JAK1: variants seen among roughly 807,000 people sequenced by gnomAD.
JAK1 encodes the protein tyrosine-protein kinase JAK1.
JAK1 carries 16 observed loss-of-function variants against 136.6 expected under a neutral mutation model. The ratio of observed to expected loss-of-function variants is 0.12; its 90% CI spans 0.08 to 0.18. JAK1 has a LOEUF of 0.18. JAK1 is among the 10% of genes least tolerant of loss of function. JAK1 has a pLI of 1.00. For synonymous variants in JAK1, 492 were observed against 519.5 expected (o/e 0.95, Z 0.72); for missense variants, 859 against 1,450.1 (o/e 0.59, Z 6.62).
chr1:64,926,373 C>G (rs1357399334), intron 1 of JAK1, among the ~76,000 whole-genome samples: 14 of 132,150 alleles, frequency 1.1e-4, no homozygotes, highest in Admixed American at 9.5e-4. Context: ...CCCCTCCCCC[C>G]ACCCCCAAGT....
chr1:65,024,660 CAAAAAAAAAA>C (rs11349903), intron 2 of JAK1, among the ~76,000 whole-genome samples: 2 of 69,866 alleles, frequency 2.9e-5, no homozygotes, highest in African/African-American at 4.8e-5. Context: ...TGGTCCAAAG[CAAAAAAAAAA>C]AAAAAAAAAA....
intron 20 of JAK1, among the ~76,000 whole-genome samples, chr1:64,838,959 C>T (rs938703788): frequency 6.6e-6 from 1 of 151,170 alleles, no homozygotes; most frequent in Non-Finnish European, 1.5e-5. Flanking sequence ...TCCTGGCTAA[C>T]ACGGTGAAAC....
chr1:64,870,132 C>T (rs1384479539), intron 5 of JAK1, among the ~76,000 whole-genome samples: 7 of 152,186 alleles, frequency 4.6e-5, no homozygotes, highest in East Asian at 1.9e-4. Context: ...AGAGTGAAAA[C>T]GATAATTCCA....
chr1:64,900,215 CA>C (rs1392154197), intron 1 of JAK1, among the ~76,000 whole-genome samples: 1 of 152,084 alleles, frequency 6.6e-6, no homozygotes, highest in Non-Finnish European at 1.5e-5. Flanking sequence ...TGTGACAAGG[CA>C]AAACATAATT....
At chr1:64,845,025 T>C (rs1655139944) in intron 15 of JAK1, 136 bp from the exon 16 acceptor site, 13 of 1,203,376 alleles carry the variant, frequency 1.1e-5, no homozygotes, top group Middle Eastern at 2.2e-4. Context: ...GCCAATCATC[T>C]GTGTGACTTA....
intron 2 of JAK1, among the ~76,000 whole-genome samples, chr1:65,016,381 G>A (rs1480744538): frequency 6.6e-6 from 1 of 152,130 alleles, no homozygotes; most frequent in Non-Finnish European, 1.5e-5. Flanking sequence ...TAGCACGTTG[G>A]GAGGCCTAGG....
chr1:64,845,763 G>C, intron 14 of JAK1, 123 bp from the exon 15 acceptor site: 1 of 1,168,148 alleles, frequency 8.6e-7, no homozygotes, highest in South Asian at 1.3e-5. Flanking sequence ...ATATCCTTGG[G>C]GGGTGCAATG....
chr1:64,945,110 C>T (rs1645960742), intron 1 of JAK1, among the ~76,000 whole-genome samples: 1 of 152,012 alleles, frequency 6.6e-6, no homozygotes, highest in Non-Finnish European at 1.5e-5. Flanking sequence ...TTGGAAAGCA[C>T]TCCAACAGTC....
chr1:65,066,905 G>C (rs1194694496), intron 1 of JAK1: 1 of 152,382 alleles, frequency 6.6e-6, no homozygotes, highest in Non-Finnish European at 1.5e-5. Context: ...AAAAGCGAGT[G>C]CGCAACATTT....
At chr1:65,019,952 G>C (rs7525064) in intron 2 of JAK1, among the ~76,000 whole-genome samples, 1 of 150,224 alleles carries the variant, frequency 6.7e-6, no homozygotes, top group Non-Finnish European at 1.5e-5. Flanking sequence ...AAGGCAGAGC[G>C]TGGTGGCTCA....
intron 2 of JAK1, among the ~76,000 whole-genome samples, chr1:65,022,538 G>A (rs1399851592): frequency 3.9e-5 from 6 of 152,272 alleles, no homozygotes; most frequent in Admixed American, 3.3e-4. Flanking sequence ...AGGCTGGGAG[G>A]TGGGGTGATG....
At chr1:64,983,420 T>C (rs1202338387) in intron 2 of JAK1, among the ~76,000 whole-genome samples, 1 of 152,150 alleles carries the variant, frequency 6.6e-6, no homozygotes, top group African/African-American at 2.4e-5. Flanking sequence ...AAAAATCTTC[T>C]CCCAGAGCTG....
intron 1 of JAK1, among the ~76,000 whole-genome samples, chr1:64,897,537 A>G (rs1489368632): frequency 0.014 from 2 of 138 alleles, 1 homozygote; most frequent in Non-Finnish European, 0.021. Flanking sequence ...AGGGAGGAGG[A>G]GGAGGAGGAG....
chr1:64,896,899 T>C (rs1645022258), intron 1 of JAK1, among the ~76,000 whole-genome samples: 1 of 152,232 alleles, frequency 6.6e-6, no homozygotes, highest in African/African-American at 2.4e-5. Context: ...CTTTGAATAA[T>C]TTTTAACTTT....
chr1:64,966,586 G>A (rs1005998308), upstream of JAK1: 1 of 60,414 alleles, frequency 1.7e-5, no homozygotes, highest in South Asian at 5.9e-4. Context: ...CCCCGCGGCC[G>A]GCCCCACCCC....
chr1:64,835,586 T>G, intron 23 of JAK1, 80 bp from the exon 24 acceptor site: 7 of 824,546 alleles, frequency 8.5e-6, no homozygotes, highest in Non-Finnish European at 1.4e-5. Flanking sequence ...GTGAAATTTC[T>G]ACAATCAACT....
chr1:65,004,187 C>T (rs535543689), intron 2 of JAK1: 1 of 152,086 alleles, frequency 6.6e-6, no homozygotes, highest in Admixed American at 6.6e-5. Flanking sequence ...GTGATCCACC[C>T]GCCTCAGCCT....
At chr1:64,866,736 A>AC in intron 7 of JAK1, 130 bp downstream of exon 7, 2 of 654,010 alleles carry the variant, frequency 3.1e-6, no homozygotes, top group Non-Finnish European at 5.4e-6. Context: ...TATGAATGAT[A>AC]CATGGTCTCC....
intron 2 of JAK1, among the ~76,000 whole-genome samples, chr1:65,035,734 C>G (rs1647066674): frequency 6.6e-6 from 1 of 152,108 alleles, no homozygotes; most frequent in African/African-American, 2.4e-5. Flanking sequence ...AAAGGACAGA[C>G]CCAGGAAGCA....
Sources: gnomAD v4.1 joint callset for allele counts (sites outside exome capture counted in the v4.1 genomes callset) on GRCh38, gnomAD v4.1.1 for gene constraint, MANE v1.5 for transcripts, NCBI Gene and HGNC (gene_info 2026-07-23, HGNC 2026-07-21) for gene names.